LRRC37A2: variants seen among roughly 807,000 people sequenced by gnomAD.
LRRC37A2 encodes the protein leucine-rich repeat-containing protein 37A2.
A neutral mutation model predicts 68.8 loss-of-function variants in LRRC37A2; 9 were observed. That is an observed-to-expected ratio of 0.13 (90% CI 0.08 to 0.23). LRRC37A2 has a LOEUF of 0.23. Among genes scored for constraint, LRRC37A2 ranks in the 10% least tolerant of loss-of-function variants. The pLI is 1.00. For synonymous variants in LRRC37A2, 63 were observed against 367.6 expected, an observed-to-expected ratio of 0.17 and a Z score of 9.48; for missense variants, 168 against 950.4, an observed-to-expected ratio of 0.18 and a Z score of 10.82.
chr17:46,854,161 T>C, the LRRC37A2 span, among the ~76,000 whole-genome samples: 1 of 152,146 alleles, frequency 6.6e-6, no homozygotes, highest in Non-Finnish European at 1.5e-5. Flanking sequence ...GTTAAGTGTT[T>C]GGTCTCAGGG....
At chr17:46,966,713 T>C in the LRRC37A2 span, 3 of 482,636 alleles carry the variant, frequency 6.2e-6, no homozygotes, top group East Asian at 6.7e-5. Flanking sequence ...AGCTGTGATT[T>C]CAGATCAGTG....
chr17:46,851,130 G>T, the LRRC37A2 span, among the ~76,000 whole-genome samples: 3 of 152,096 alleles, frequency 2.0e-5, no homozygotes, highest in African/African-American at 7.2e-5. The surrounding 1 kb of genome is among the most constrained non-coding windows in gnomAD (Gnocchi z 4.3). Flanking sequence ...CGAAGAGACC[G>T]CACTTGCCCG....
chr17:46,893,211 G>T, the LRRC37A2 span, among the ~76,000 whole-genome samples: 2 of 152,174 alleles, frequency 1.3e-5, no homozygotes, highest in African/African-American at 4.8e-5. Flanking sequence ...TAGGATTACA[G>T]GCATGAGCCA....
the LRRC37A2 span, among the ~76,000 whole-genome samples, chr17:46,685,346 A>G: frequency 6.6e-6 from 1 of 150,796 alleles, no homozygotes; most frequent in East Asian, 2.0e-4. Context: ...CTTTTCAGTT[A>G]TACCTTTCTC....
At chr17:46,815,169 C>A in the LRRC37A2 span, among the ~76,000 whole-genome samples, 3 of 152,140 alleles carry the variant, frequency 2.0e-5, no homozygotes, top group Non-Finnish European at 4.4e-5. Flanking sequence ...TTCATCCCCC[C>A]ACCCCAGCGC....
At chr17:46,874,948 G>A in the LRRC37A2 span, 2 of 1,201,030 alleles carry the variant, frequency 1.7e-6, no homozygotes, top group Non-Finnish European at 2.5e-6. Context: ...CCCACCCGGA[G>A]CTGTGTCCTC....
At chr17:46,932,675 A>AGGGTTAGATGG in the LRRC37A2 span, 663 of 238,358 alleles carry the variant, frequency 2.8e-3, 2 homozygotes, top group African/African-American at 0.014. Context: ...GGAATTTGTT[A>AGGGTTAGATGG]ACAGATGTTT....
chr17:46,478,616 C>A, the LRRC37A2 span, among the ~76,000 whole-genome samples: 1 of 111,064 alleles, frequency 9.0e-6, no homozygotes, highest in East Asian at 2.2e-4. Context: ...AGTTAATACC[C>A]CAACTGCAAA....
chr17:46,753,645 A>AT, the LRRC37A2 span, among the ~76,000 whole-genome samples: 1 of 151,568 alleles, frequency 6.6e-6, no homozygotes, highest in African/African-American at 2.4e-5. Context: ...AACTATGTGG[A>AT]TTTTTTCCCC....
At chr17:46,839,941 T>TTTCC in the LRRC37A2 span, among the ~76,000 whole-genome samples, 1 of 149,270 alleles carries the variant, frequency 6.7e-6, no homozygotes, top group Non-Finnish European at 1.5e-5. Context: ...TCTTTCTTTC[T>TTTCC]TTCTTTCTTT....
chr17:46,684,450 G>A, the LRRC37A2 span, among the ~76,000 whole-genome samples: 4 of 152,034 alleles, frequency 2.6e-5, no homozygotes, highest in Non-Finnish European at 5.9e-5. Flanking sequence ...CTTTATAGTC[G>A]AATGATTGTA....
At chr17:46,922,889 A>G in the LRRC37A2 span, 1 of 514,066 alleles carries the variant, frequency 1.9e-6, no homozygotes, top group Non-Finnish European at 3.5e-6. Flanking sequence ...TCTCGTTAGT[A>G]TCCCGCGATT....
At chr17:46,947,524 C>T in the LRRC37A2 span, among the ~76,000 whole-genome samples, 4 of 152,318 alleles carry the variant, frequency 2.6e-5, no homozygotes, top group South Asian at 4.1e-4. Context: ...ACAAGCCCCA[C>T]TGTCCTAGGA....
chr17:47,046,688 AT>A, the LRRC37A2 span, among the ~76,000 whole-genome samples: 1 of 45,344 alleles, frequency 2.2e-5, no homozygotes, highest in East Asian at 8.8e-4. Context: ...AATCTTTGTT[AT>A]TTTTTAACTC....
the LRRC37A2 span, among the ~76,000 whole-genome samples, chr17:46,736,622 A>G: frequency 1.3e-5 from 2 of 152,234 alleles, no homozygotes; most frequent in African/African-American, 4.8e-5. Flanking sequence ...TCAGGAAAAA[A>G]TAAAAAATGT....
chr17:46,492,684 GTTTTGTTTTTTTTTTT>G, the LRRC37A2 span, among the ~76,000 whole-genome samples: 1 of 127,858 alleles, frequency 7.8e-6, no homozygotes, highest in East Asian at 2.3e-4. Context: ...TCAGGGTTTT[GTTTTGTTTTTTTTTTT>G]TTTTTTTTTT....
chr17:46,532,887 C>T (rs1380870363), intron 6 of LRRC37A2, among the ~76,000 whole-genome samples: 1 of 148,348 alleles, frequency 6.7e-6, no homozygotes, highest in Non-Finnish European at 1.5e-5. Context: ...GATTGCTTGA[C>T]CCCAGGAGTT....
chr17:46,777,089 A>C, the LRRC37A2 span, among the ~76,000 whole-genome samples: 2 of 152,250 alleles, frequency 1.3e-5, no homozygotes, highest in Admixed American at 1.3e-4. Flanking sequence ...TCACGCCTGT[A>C]ATCCCAGCTA....
At chr17:46,882,757 G>A in the LRRC37A2 span, among the ~76,000 whole-genome samples, 1 of 152,136 alleles carries the variant, frequency 6.6e-6, no homozygotes, top group Admixed American at 6.6e-5. Flanking sequence ...TATGGTGCAC[G>A]AGGCACGTGA....
Sources: allele counts gnomAD v4.1 joint callset (sites outside exome capture counted in the v4.1 genomes callset), GRCh38; gene constraint gnomAD v4.1.1; non-coding constraint Gnocchi (gnomAD v3.1); transcripts MANE v1.5; gene names NCBI Gene and HGNC (gene_info 2026-07-23, HGNC 2026-07-21).